The following GRIA2 variants were observed in gnomAD, a reference collection of about 807,000 sequenced individuals.
GRIA2 encodes the protein glutamate receptor 2.
In GRIA2, 14 loss-of-function variants were observed where a neutral mutation model predicts 97.3. The ratio of observed to expected loss-of-function variants is 0.14; its 90% CI spans 0.10 to 0.23. GRIA2 has a LOEUF of 0.23. Among genes scored for constraint, GRIA2 ranks in the 10% least tolerant of loss-of-function variants. The pLI is 1.00. For synonymous variants in GRIA2, 412 were observed against 387.8 expected, an observed-to-expected ratio of 1.06 and a Z score of -0.73; for missense variants, 558 against 1,069.8, an observed-to-expected ratio of 0.52 and a Z score of 6.67.
intron 12 of GRIA2, among the ~76,000 whole-genome samples, chr4:157,355,651 T>A (rs1485026032): frequency 8.7e-6 from 1 of 114,324 alleles, no homozygotes; most frequent in Non-Finnish European, 1.7e-5. Flanking sequence ...TTTATTTATA[T>A]ATTTATTTAT....
chr4:157,244,165 G>A (rs1730629432), intron 2 of GRIA2, among the ~76,000 whole-genome samples: 1 of 151,946 alleles, frequency 6.6e-6, no homozygotes, highest in Admixed American at 6.6e-5. Context: ...CAAAGGGCCT[G>A]AATGAGAAAA....
intron 4 of GRIA2, among the ~76,000 whole-genome samples, chr4:157,315,663 C>T (rs1377348781): frequency 1.3e-5 from 2 of 152,028 alleles, no homozygotes; most frequent in Non-Finnish European, 2.9e-5. Flanking sequence ...CTGCCTCAGC[C>T]TCCTGAGTAG....
At chr4:157,271,958 GA>G (rs1019858164) in intron 2 of GRIA2, among the ~76,000 whole-genome samples, 1 of 151,952 alleles carries the variant, frequency 6.6e-6, no homozygotes, top group Non-Finnish European at 1.5e-5. Flanking sequence ...TTTAGAACTG[GA>G]AAAAAGGACT....
intron 2 of GRIA2, among the ~76,000 whole-genome samples, chr4:157,299,796 A>C (rs1733533094): frequency 6.6e-6 from 1 of 152,194 alleles, no homozygotes; most frequent in Admixed American, 6.5e-5. Context: ...GTTGATATTA[A>C]ATATTTAATT....
chr4:157,294,151 C>T (rs1733232188), intron 2 of GRIA2, among the ~76,000 whole-genome samples: 1 of 150,390 alleles, frequency 6.6e-6, no homozygotes, highest in Admixed American at 6.6e-5. Flanking sequence ...GTTATACAAG[C>T]TAATTTGAGG....
intron 2 of GRIA2, among the ~76,000 whole-genome samples, chr4:157,227,203 A>G (rs960106364): frequency 1.2e-4 from 19 of 152,154 alleles, no homozygotes; most frequent in African/African-American, 4.1e-4. Context: ...TGCTGGCTCA[A>G]GAAGGATGGG....
Position 157,303,754 on chromosome 4 carries a change from A to G in GRIA2, c.432A>G (p.Gln144=), listed in dbSNP as rs772821769. 10 of 1,613,754 alleles carry G rather than the reference A, an allele frequency of 6.2e-6. No homozygotes were observed. The highest frequency in any genetic ancestry group is 1.3e-5 in the African/African-American group (1 of 74,924). The stretch of plus-strand genomic sequence containing the variant: ...TCCTTAGCTTGATTGAATACTATCA[A>G]TGGGACAAGTTTGCATACCTCTATG... ...GALLSLIEYY[Q]WDKFAYLYDS... The change falls in exon 3 of 16, where the codon CAA becomes CAG. Residue 144 remains glutamine (Q), a synonymous_variant. Transcript: ENST00000264426.
chr4:157,233,042 A>C (rs1730091515), intron 2 of GRIA2, among the ~76,000 whole-genome samples: 1 of 152,188 alleles, frequency 6.6e-6, no homozygotes. Flanking sequence ...TTCCTGTATT[A>C]GAATTTTTGG....
At chr4:157,255,014 G>A (rs1731178131) in intron 2 of GRIA2, among the ~76,000 whole-genome samples, 1 of 152,004 alleles carries the variant, frequency 6.6e-6, no homozygotes, top group Non-Finnish European at 1.5e-5. Context: ...TGGGCTTTTA[G>A]TGTAACCATC....
At chr4:157,339,598 AC>A (rs748854098) in intron 11 of GRIA2, among the ~76,000 whole-genome samples, 2 of 151,976 alleles carry the variant, frequency 1.3e-5, no homozygotes, top group Non-Finnish European at 2.9e-5. Flanking sequence ...AGGACAACTT[AC>A]ATCTAACTTT....
chr4:157,323,488 A>G (rs1274327251), intron 6 of GRIA2, among the ~76,000 whole-genome samples: 1 of 151,976 alleles, frequency 6.6e-6, no homozygotes. Context: ...AAGGGGTCTA[A>G]CTGCCGATCC....
chr4:157,235,334 T>C (rs1421399447), intron 2 of GRIA2, among the ~76,000 whole-genome samples: 1 of 152,128 alleles, frequency 6.6e-6, no homozygotes, highest in Middle Eastern at 3.2e-3. Flanking sequence ...AAGGCTTCTG[T>C]ATTGAACATT....
intron 2 of GRIA2, among the ~76,000 whole-genome samples, chr4:157,242,889 CAT>C (rs1466300722): frequency 6.6e-6 from 1 of 152,100 alleles, no homozygotes; most frequent in East Asian, 1.9e-4. Context: ...GCTAATCTAA[CAT>C]ACATATTTTC....
intron 2 of GRIA2, among the ~76,000 whole-genome samples, chr4:157,272,405 C>T (rs1732073808): frequency 6.6e-6 from 1 of 151,942 alleles, no homozygotes; most frequent in Admixed American, 6.6e-5. Flanking sequence ...ATCAGAGAAT[C>T]CCAACCAACT....
At chr4:157,362,444 T>C (rs1736671743) in intron 14 of GRIA2, 1 of 466,102 alleles carries the variant, frequency 2.1e-6, no homozygotes, top group South Asian at 1.5e-5. Flanking sequence ...AGATTATTTA[T>C]AGGATGAAGA....
At chr4:157,267,253 G>A (rs557670152) in intron 2 of GRIA2, among the ~76,000 whole-genome samples, 5 of 151,686 alleles carry the variant, frequency 3.3e-5, no homozygotes, top group South Asian at 2.1e-4. Flanking sequence ...GTGAAACCTC[G>A]TCTCTACTAA....
At chr4:157,358,091 G>GT (rs1736471382) in intron 12 of GRIA2, among the ~76,000 whole-genome samples, 1 of 152,098 alleles carries the variant, frequency 6.6e-6, no homozygotes, top group Non-Finnish European at 1.5e-5. Flanking sequence ...TTGACGTCAT[G>GT]TTTTTGTGAG....
intron 6 of GRIA2, among the ~76,000 whole-genome samples, chr4:157,324,212 C>T (rs1489766426): frequency 6.6e-6 from 1 of 152,146 alleles, no homozygotes; most frequent in African/African-American, 2.4e-5. Context: ...ATCCCTCTAA[C>T]TCCACCCAGA....
At chr4:157,337,152 G>A (rs181770138) in intron 11 of GRIA2, among the ~76,000 whole-genome samples, 8 of 152,030 alleles carry the variant, frequency 5.3e-5, no homozygotes, top group South Asian at 4.2e-4. Flanking sequence ...ATAAAACTTC[G>A]TTGGCACACA....
Sources: allele counts gnomAD v4.1 joint callset (sites outside exome capture counted in the v4.1 genomes callset), GRCh38; gene constraint gnomAD v4.1.1; transcripts MANE v1.5; gene names NCBI Gene and HGNC (gene_info 2026-07-23, HGNC 2026-07-21).